PCDHGA3: variants seen among roughly 807,000 people sequenced by gnomAD.
PCDHGA3 encodes protocadherin gamma subfamily A, 3.
PCDHGA3 carries 40 observed loss-of-function variants against 58.5 expected under a neutral mutation model. The observed-to-expected ratio is 0.68, with a 90% CI of 0.53 to 0.89. The LOEUF is 0.89. PCDHGA3 is among the 40% of genes least tolerant of loss of function. The pLI is 0.00. For missense variants in PCDHGA3, 1,223 were observed against 1,195.9 expected (o/e 1.02, Z -0.33); for synonymous variants, 530 against 525.7 (o/e 1.01, Z -0.11).
chr5:141,377,482 G>C (rs1774042121), intron 1 of PCDHGA3: 1 of 152,036 alleles, frequency 6.6e-6, no homozygotes, highest in African/African-American at 2.4e-5. Flanking sequence ...TGTAGTCCCA[G>C]CTACTCGAGA....
chr5:141,374,729 G>A, intron 1 of PCDHGA3: 2 of 1,610,396 alleles, frequency 1.2e-6, no homozygotes, highest in African/African-American at 2.7e-5. Context: ...TACTGCCATG[G>A]ATGGCGGCGA....
intron 1 of PCDHGA3, among the ~76,000 whole-genome samples, chr5:141,470,664 G>A (rs1308061207): frequency 6.6e-6 from 1 of 151,882 alleles, no homozygotes; most frequent in Non-Finnish European, 1.5e-5. Context: ...CTTTGGTTAG[G>A]GCTCTGCTGT....
chr5:141,365,221 C>T (rs1175888601), intron 1 of PCDHGA3: 1 of 1,613,860 alleles, frequency 6.2e-7, no homozygotes, highest in East Asian at 2.2e-5. Flanking sequence ...TTGATTCCAA[C>T]CTGGGGGAAA....
chr5:141,388,871 C>G, intron 1 of PCDHGA3: 1 of 1,613,930 alleles, frequency 6.2e-7, no homozygotes, highest in Non-Finnish European at 8.5e-7. Flanking sequence ...TTGCGCAATG[C>G]ACAGTGGAGG....
At chr5:141,500,789 C>G (rs1006758925) in intron 2 of PCDHGA3, among the ~76,000 whole-genome samples, 2 of 152,142 alleles carry the variant, frequency 1.3e-5, no homozygotes, top group African/African-American at 4.8e-5. Flanking sequence ...TATTATTTTA[C>G]AGAATAAGTC....
chr5:141,355,817 C>G, intron 1 of PCDHGA3: 1 of 1,612,886 alleles, frequency 6.2e-7, no homozygotes, highest in African/African-American at 1.3e-5. Context: ...GAGGAAGAGG[C>G]GGTTCACCAC....
At chr5:141,371,726 T>G (rs769173416) in intron 1 of PCDHGA3, 3 of 1,613,932 alleles carry the variant, frequency 1.9e-6, no homozygotes, top group Non-Finnish European at 2.5e-6. Context: ...ACATCCTTGA[T>G]GTCAACGACA....
chr5:141,498,093 G>T (rs975304630), intron 2 of PCDHGA3, among the ~76,000 whole-genome samples: 4 of 152,220 alleles, frequency 2.6e-5, no homozygotes, highest in Admixed American at 1.3e-4. Context: ...AATTGTATCT[G>T]GTGGTGTGGG....
chr5:141,448,814 G>A (rs967588194), intron 1 of PCDHGA3, among the ~76,000 whole-genome samples: 14 of 152,122 alleles, frequency 9.2e-5, no homozygotes, highest in Non-Finnish European at 1.8e-4. Flanking sequence ...GCGTGATGGC[G>A]GGCGCCTGTA....
chr5:141,356,977 G>A (rs1466660563), intron 1 of PCDHGA3: 1 of 1,614,238 alleles, frequency 6.2e-7, no homozygotes, highest in South Asian at 1.1e-5. Flanking sequence ...CAAAGTGGTG[G>A]CAGTGGACAG....
chr5:141,370,655 C>T (rs746541169), intron 1 of PCDHGA3: 14 of 1,613,708 alleles, frequency 8.7e-6, no homozygotes, highest in Non-Finnish European at 1.1e-5. Context: ...TACTTGTGAG[C>T]GACCGTATAG....
At chr5:141,378,377 G>A (rs1488267882) in intron 1 of PCDHGA3, 1 of 152,208 alleles carries the variant, frequency 6.6e-6, no homozygotes, top group African/African-American at 2.4e-5. Flanking sequence ...ACAAAAATTA[G>A]CCAGGTGGGG....
intron 1 of PCDHGA3, chr5:141,360,626 C>T (rs767378932): frequency 1.5e-5 from 24 of 1,613,892 alleles, no homozygotes; most frequent in Non-Finnish European, 7.6e-6. Flanking sequence ...GATGTTGGTC[C>T]TAACTCACTA....
At chr5:141,501,366 T>G (rs1297210978) in intron 2 of PCDHGA3, among the ~76,000 whole-genome samples, 1 of 150,672 alleles carries the variant, frequency 6.6e-6, no homozygotes, top group Non-Finnish European at 1.5e-5. Flanking sequence ...ACCATATTCA[T>G]CATCTCTTAA....
At chr5:141,396,797 T>C (rs1043872860) in intron 1 of PCDHGA3, among the ~76,000 whole-genome samples, 1 of 152,182 alleles carries the variant, frequency 6.6e-6, no homozygotes, top group Non-Finnish European at 1.5e-5. Context: ...TTCCTAAGGA[T>C]TGTGTAGTGT....
chr5:141,385,239 C>A lies in PCDHGA3; in HGVS notation c.2424+38782C>A, dbSNP rs367668432. On this transcript the variant is annotated intron_variant, in intron 1 of 3. Transcript: ENST00000253812. ...AGCCCAACTATGTAGACATGCTCAT[C>A]AGCCAGGAGAGCTGTGAGAAAAATG... 4 of 1,613,960 alleles carry A rather than the reference C, an allele frequency of 2.5e-6. No individual in the cohort carries two copies. The African/African-American group carries it at 5.3e-5, about 22-fold the overall frequency.
chr5:141,503,781 G>A (rs1393561411), intron 2 of PCDHGA3, among the ~76,000 whole-genome samples: 1 of 152,110 alleles, frequency 6.6e-6, no homozygotes, highest in East Asian at 1.9e-4. Flanking sequence ...TTCTTAGGCT[G>A]AGTTCATCTA....
intron 1 of PCDHGA3, chr5:141,371,395 A>G (rs746973366): frequency 5.0e-6 from 8 of 1,614,026 alleles, no homozygotes; most frequent in Non-Finnish European, 5.9e-6. Flanking sequence ...TGTAAAGTAC[A>G]GATAGATATT....
intron 1 of PCDHGA3, chr5:141,362,184 C>G: frequency 1.2e-6 from 2 of 1,614,058 alleles, no homozygotes; most frequent in Non-Finnish European, 1.7e-6. Flanking sequence ...AGCCCTCTGA[C>G]CCCCAGGCAA....
Sources: gnomAD v4.1 joint callset for allele counts (sites outside exome capture counted in the v4.1 genomes callset) on GRCh38, gnomAD v4.1.1 for gene constraint, MANE v1.5 for transcripts, NCBI Gene and HGNC (gene_info 2026-07-23, HGNC 2026-07-21) for gene names.